TACC2: variants seen among roughly 807,000 people sequenced by gnomAD.
TACC2 encodes the protein transforming acidic coiled-coil-containing protein 2.
In TACC2, 137 loss-of-function variants were observed where a neutral mutation model predicts 227.3. The ratio of observed to expected loss-of-function variants is 0.60; its 90% CI spans 0.52 to 0.69. The LOEUF is 0.69. TACC2 is among the 30% of genes least tolerant of loss of function. The pLI is 0.00. For synonymous variants in TACC2, 1,523 were observed against 1,487.5 expected (o/e 1.02, Z -0.55); for missense variants, 3,470 against 3,694.4 (o/e 0.94, Z 1.57).
intron 15 of TACC2, 130 bp from the exon 16 acceptor site, chr10:122,230,221 C>T (rs1042521576): frequency 3.5e-5 from 26 of 736,478 alleles, no homozygotes; most frequent in East Asian, 9.9e-5. Context: ...GAGAGAAAGG[C>T]GGAGCGCGTG....
At position 122,051,765 on chromosome 10, in the gene TACC2, C is replaced by CTTTTTTTTTTTT. The variant is rs56185263; in HGVS notation, c.146+1231_146+1242dup. The stretch of plus-strand genomic sequence containing the variant: ...TGCAAAACCTTGAGACTCAAAGTGA[C>CTTTTTTTTTTTT]TTTTTTTTTTTTTTTTTTTTTTTTT... On this transcript the variant is annotated intron_variant, in intron 3 of 22. Transcript: ENST00000369005. 2.7e-4 allele frequency: 33 copies of CTTTTTTTTTTTT among 122,448 alleles called. 4 individuals are homozygous for CTTTTTTTTTTTT. The highest frequency in any genetic ancestry group is 7.7e-4 in the South Asian group (3 of 3,880). 7.6% of individuals were successfully genotyped at this position (122,448 alleles called of 1,614,324 possible).
chr10:122,022,181 TG>T, intron 2 of TACC2, 167 bp downstream of exon 2: 3 of 622,508 alleles, frequency 4.8e-6, no homozygotes, highest in Non-Finnish European at 5.7e-6. Context: ...TTCATTTCAT[TG>T]GAATTCTCTT....
At chr10:122,236,552 G>A (rs921337655) in intron 16 of TACC2, among the ~76,000 whole-genome samples, 3 of 150,784 alleles carry the variant, frequency 2.0e-5, no homozygotes, top group Non-Finnish European at 4.4e-5. Context: ...GCAAATTGCC[G>A]AGCATTTTGT....
At chr10:122,093,919 A>G (rs1187991077) in intron 5 of TACC2, among the ~76,000 whole-genome samples, 1 of 152,222 alleles carries the variant, frequency 6.6e-6, no homozygotes, top group Non-Finnish European at 1.5e-5. Flanking sequence ...AAATGGTAAC[A>G]GACCCTGCAG....
intron 8 of TACC2, among the ~76,000 whole-genome samples, chr10:122,201,638 G>C (rs1401867432): frequency 6.6e-6 from 1 of 152,210 alleles, no homozygotes; most frequent in Admixed American, 6.5e-5. Context: ...GGGCTTGACT[G>C]CTCTCCACAT....
chr10:122,159,264 C>T (rs767948676), intron 7 of TACC2, among the ~76,000 whole-genome samples: 7 of 152,274 alleles, frequency 4.6e-5, no homozygotes, highest in African/African-American at 1.2e-4. Flanking sequence ...AGGCAGTGGA[C>T]GACTTTTGGA....
intron 11 of TACC2, among the ~76,000 whole-genome samples, chr10:122,220,904 A>C (rs1195015431): frequency 6.6e-6 from 1 of 152,170 alleles, no homozygotes; most frequent in Admixed American, 6.5e-5. Context: ...TGACTCCCCC[A>C]GTGTCCTGGC....
chr10:122,037,228 G>A (rs2461204), intron 2 of TACC2, among the ~76,000 whole-genome samples: 69,694 of 152,142 alleles, frequency 0.46, 16,818 homozygotes, highest in African/African-American at 0.59. Context: ...GGAGAAAAGT[G>A]GGTGAGGCAA....
intron 7 of TACC2, chr10:122,192,483 G>C: frequency 8.5e-6 from 3 of 351,744 alleles, no homozygotes; most frequent in Middle Eastern, 1.0e-3. Context: ...GGATGGACGA[G>C]TACTCAGGCT....
At chr10:122,079,136 T>C (rs1001276453) in intron 3 of TACC2, 1 of 152,222 alleles carries the variant, frequency 6.6e-6, no homozygotes, top group Non-Finnish European at 1.5e-5. Context: ...ACCATTACTC[T>C]TATCACATAC....
chr10:122,151,023 T>C (rs139070242), intron 7 of TACC2, among the ~76,000 whole-genome samples: 46 of 152,252 alleles, frequency 3.0e-4, no homozygotes, highest in African/African-American at 1.1e-3. Flanking sequence ...ATAGGGCTAG[T>C]AGTACCCACC....
intron 1 of TACC2, among the ~76,000 whole-genome samples, chr10:121,996,048 G>T (rs999315639): frequency 7.2e-5 from 11 of 152,140 alleles, no homozygotes; most frequent in Middle Eastern, 3.4e-3. Context: ...CACTGCACCT[G>T]GCTGCCGGGC....
intron 3 of TACC2, chr10:122,078,881 G>T (rs913312398): frequency 6.6e-6 from 1 of 152,234 alleles, no homozygotes; most frequent in Non-Finnish European, 1.5e-5. Flanking sequence ...GTTGTTGTGT[G>T]TCCCATACTC....
At chr10:122,077,164 C>T (rs893446862) in intron 3 of TACC2, among the ~76,000 whole-genome samples, 2 of 151,584 alleles carry the variant, frequency 1.3e-5, no homozygotes, top group East Asian at 3.9e-4. Flanking sequence ...GTGAAACAAC[C>T]ACGATTTGGG....
intron 1 of TACC2, among the ~76,000 whole-genome samples, chr10:121,993,454 C>G (rs879345625): frequency 6.6e-6 from 1 of 152,134 alleles, no homozygotes; most frequent in South Asian, 2.1e-4. Context: ...TTTCCCTGCT[C>G]CCGAGTCCAC....
At chr10:122,116,060 A>G (rs1353106772) in intron 5 of TACC2, among the ~76,000 whole-genome samples, 1 of 152,118 alleles carries the variant, frequency 6.6e-6, no homozygotes, top group East Asian at 1.9e-4. Context: ...TCATAACCCC[A>G]GTAATCATGT....
At position 122,087,540 on chromosome 10, in the gene TACC2, C is replaced by T; in HGVS notation, c.5040C>T (p.Thr1680=). 1 of 1,613,838 alleles carries T rather than the reference C, an allele frequency of 6.2e-7. No homozygotes were observed. The highest frequency in any genetic ancestry group is 8.5e-7 in the Non-Finnish European group (1 of 1,180,042). Residue 1680 remains threonine (T), a synonymous_variant, in exon 4 of 23, where the codon ACC becomes ACT. Coordinates refer to ENST00000369005, the MANE Select transcript of TACC2 (RefSeq NM_206862.4). The stretch of plus-strand genomic sequence containing the variant: ...GAAATGCCCTGGGCAACCAGAGCAC[C>T]CCTGCACCACCAACTGGAGAAGTGG... ...EMRNALGNQS[T]PAPPTGEVAD... is the part of the protein sequence containing the mutation.
intron 5 of TACC2, among the ~76,000 whole-genome samples, chr10:122,111,816 C>T (rs1300538955): frequency 1.3e-5 from 2 of 152,056 alleles, no homozygotes; most frequent in Non-Finnish European, 2.9e-5. Context: ...CTCTCTTCAC[C>T]GACAGCAGAT....
At position 122,086,163 on chromosome 10, in the gene TACC2, G is replaced by A; in HGVS notation, c.3663G>A (p.Glu1221=). ...STHQAVPDPK[E]LLLSGPPEVA... is the part of the protein sequence containing the mutation. ...ACCAGGCTGTCCCAGACCCAAAGGA[G>A]CTCCTGCTGTCTGGGCCACCAGAAG... Residue 1221 remains glutamate (E), a synonymous_variant, in exon 4 of 23, where the codon GAG becomes GAA. Coordinates refer to ENST00000369005, the MANE Select transcript of TACC2 (RefSeq NM_206862.4). The A allele has an allele frequency of 1.2e-6, 2 of 1,613,700 alleles. No individual in the cohort carries two copies. Among genetic ancestry groups the A allele is most frequent in the Non-Finnish European group, 1.7e-6 (2 of 1,179,982 alleles).
Sources: allele counts gnomAD v4.1 joint callset (sites outside exome capture counted in the v4.1 genomes callset), GRCh38; gene constraint gnomAD v4.1.1; transcripts MANE v1.5; gene names NCBI Gene and HGNC (gene_info 2026-07-23, HGNC 2026-07-21).